HIP1: variants seen among roughly 807,000 people sequenced by gnomAD.
The protein encoded by HIP1 is huntingtin-interacting protein 1.
A neutral mutation model predicts 147.6 loss-of-function variants in HIP1; 65 were observed. The observed-to-expected ratio is 0.44, with a 90% CI of 0.36 to 0.54. HIP1 has a LOEUF of 0.54. HIP1 is among the 20% of genes least tolerant of loss of function. HIP1 has a pLI of 0.00. For synonymous variants in HIP1, 479 were observed against 504.0 expected, an observed-to-expected ratio of 0.95 and a Z score of 0.67; for missense variants, 1,061 against 1,299.6, an observed-to-expected ratio of 0.82 and a Z score of 2.82.
intron 1 of HIP1, among the ~76,000 whole-genome samples, chr7:75,640,645 C>T (rs1798619901): frequency 1.3e-5 from 2 of 151,596 alleles, no homozygotes; most frequent in Admixed American, 1.3e-4. Context: ...CCCAGCTACT[C>T]GGGAGGCTGA....
chr7:75,598,875 G>A (rs1796861570), intron 2 of HIP1, among the ~76,000 whole-genome samples: 2 of 152,154 alleles, frequency 1.3e-5, no homozygotes, highest in African/African-American at 2.4e-5. Flanking sequence ...CTCCAGCCTG[G>A]GCAACACGGC....
intron 1 of HIP1, among the ~76,000 whole-genome samples, chr7:75,697,380 AC>A: frequency 6.6e-6 from 1 of 152,116 alleles, no homozygotes. Context: ...AGCCTGGGCA[AC>A]ACAGTTCTCT....
At chr7:75,728,839 A>T (rs1801736028) in intron 1 of HIP1, among the ~76,000 whole-genome samples, 3 of 146,016 alleles carry the variant, frequency 2.1e-5, no homozygotes, top group Non-Finnish European at 4.5e-5. Context: ...GGGACGAGGG[A>T]CCCTGATGGT....
intron 8 of HIP1, among the ~76,000 whole-genome samples, chr7:75,572,443 G>A (rs1162436898): frequency 1.3e-5 from 2 of 152,198 alleles, no homozygotes; most frequent in Non-Finnish European, 2.9e-5. Flanking sequence ...GTTAGCTCAT[G>A]TAGGTCTAGG....
intron 5 of HIP1, among the ~76,000 whole-genome samples, chr7:75,583,185 T>G (rs1200133689): frequency 1.3e-5 from 2 of 152,114 alleles, no homozygotes; most frequent in African/African-American, 4.8e-5. Context: ...TGCCTGCCTT[T>G]GCTTCCTGGC....
At chr7:75,706,493 T>A (rs902384170) in intron 1 of HIP1, among the ~76,000 whole-genome samples, 52 of 145,370 alleles carry the variant, frequency 3.6e-4, no homozygotes, top group African/African-American at 4.8e-4. Flanking sequence ...ATTTTTTTTT[T>A]ATTTTTTTAT....
chr7:75,687,837 C>T (rs1312041672), intron 1 of HIP1, among the ~76,000 whole-genome samples: 1 of 152,162 alleles, frequency 6.6e-6, no homozygotes. Context: ...CTTCCCAGCC[C>T]CTACTCCTGA....
intron 1 of HIP1, among the ~76,000 whole-genome samples, chr7:75,630,676 A>G (rs1382714525): frequency 6.6e-6 from 1 of 151,748 alleles, no homozygotes; most frequent in Admixed American, 6.6e-5. Context: ...TCTTAATGAT[A>G]CCCTTCCTTA....
chr7:75,724,602 T>C (rs1554522154), intron 1 of HIP1, among the ~76,000 whole-genome samples: 1 of 152,178 alleles, frequency 6.6e-6, no homozygotes, highest in African/African-American at 2.4e-5. Flanking sequence ...TGCCTAGCCA[T>C]CGCCACTAAT....
At chr7:75,683,092 C>T (rs1554517141) in intron 1 of HIP1, among the ~76,000 whole-genome samples, 1 of 152,036 alleles carries the variant, frequency 6.6e-6, no homozygotes, top group Non-Finnish European at 1.5e-5. Context: ...AAGCGATTCT[C>T]TTGCTCAGCC....
chr7:75,664,024 ATGTG>A (rs1249933703), intron 1 of HIP1, among the ~76,000 whole-genome samples: 1 of 22,900 alleles, frequency 4.4e-5, no homozygotes, highest in Non-Finnish European at 7.2e-5. Context: ...ATACACATAT[ATGTG>A]TATATATATA....
chr7:75,578,998 T>G (rs376651481), intron 7 of HIP1, among the ~76,000 whole-genome samples: 10 of 152,130 alleles, frequency 6.6e-5, no homozygotes, highest in Middle Eastern at 6.8e-3. Flanking sequence ...TTTTGTATTT[T>G]CAATAGAGAT....
intron 1 of HIP1, among the ~76,000 whole-genome samples, chr7:75,704,190 C>G (rs891021687): frequency 3.3e-5 from 5 of 152,108 alleles, no homozygotes; most frequent in Admixed American, 3.3e-4. Flanking sequence ...TAGTCTTACA[C>G]CAGTTCTAGT....
chr7:75,548,814 G>T, intron 23 of HIP1, 77 bp downstream of exon 23: 1 of 1,111,796 alleles, frequency 9.0e-7, no homozygotes, highest in South Asian at 1.3e-5. Context: ...GAACGACTGT[G>T]ACATGTTTAA....
chr7:75,690,786 C>G (rs1212274855), intron 1 of HIP1, among the ~76,000 whole-genome samples: 1 of 151,354 alleles, frequency 6.6e-6, no homozygotes, highest in Non-Finnish European at 1.5e-5. Context: ...TGCTTGAACC[C>G]GGGAGGCAGA....
intron 1 of HIP1, among the ~76,000 whole-genome samples, chr7:75,646,403 A>G (rs1447461798): frequency 2.6e-5 from 4 of 152,200 alleles, no homozygotes; most frequent in African/African-American, 9.6e-5. Flanking sequence ...ATTAAATCTA[A>G]TGAGCAGCTG....
At chr7:75,656,816 G>A (rs376478125) in intron 1 of HIP1, among the ~76,000 whole-genome samples, 1 of 152,150 alleles carries the variant, frequency 6.6e-6, no homozygotes, top group Admixed American at 6.6e-5. Flanking sequence ...TGACTAAACC[G>A]TAAAGAAAAA....
intron 1 of HIP1, among the ~76,000 whole-genome samples, chr7:75,675,375 A>AT (rs1799858075): frequency 6.6e-6 from 1 of 151,908 alleles, no homozygotes; most frequent in South Asian, 2.1e-4. Flanking sequence ...TAATTTTTGT[A>AT]TTTTTAGTAG....
intron 1 of HIP1, among the ~76,000 whole-genome samples, chr7:75,714,144 A>G (rs1457280300): frequency 6.6e-6 from 1 of 150,822 alleles, no homozygotes; most frequent in Admixed American, 6.6e-5. Context: ...GGTTTAAGTG[A>G]TTCTCCTGCC....
Sources: gnomAD v4.1 joint callset for allele counts (sites outside exome capture counted in the v4.1 genomes callset) on GRCh38, gnomAD v4.1.1 for gene constraint, MANE v1.5 for transcripts, NCBI Gene and HGNC (gene_info 2026-07-23, HGNC 2026-07-21) for gene names.